The following BTAF1 variants were observed in gnomAD, a reference collection of about 807,000 sequenced individuals.
The protein encoded by BTAF1 is TATA-binding protein-associated factor 172.
BTAF1 carries 38 observed loss-of-function variants against 227.1 expected under a neutral mutation model. The ratio of observed to expected loss-of-function variants is 0.17; its 90% CI spans 0.13 to 0.22. The LOEUF (loss-of-function observed/expected upper bound fraction) is 0.22. Ranked by LOEUF, BTAF1 falls within the 10% of genes least tolerant of loss-of-function variation. The probability of loss-of-function intolerance (pLI) is 1.00; values close to 1 mark genes in which losing one functional copy is unlikely to be tolerated. For missense variants in BTAF1, 1,598 were observed against 2,204.0 expected, an observed-to-expected ratio of 0.73 and a Z score of 5.51; for synonymous variants, 742 against 751.9, an observed-to-expected ratio of 0.99 and a Z score of 0.21.
At chr10:92,010,709 C>T (rs1457179050) in intron 28 of BTAF1, among the ~76,000 whole-genome samples, 2 of 152,190 alleles carry the variant, frequency 1.3e-5, no homozygotes, top group African/African-American at 2.4e-5. Context: ...TTGTGAATAG[C>T]TTAACCTGGT....
chr10:92,002,200 G>A (rs1321143085), intron 25 of BTAF1, among the ~76,000 whole-genome samples: 1 of 152,114 alleles, frequency 6.6e-6, no homozygotes, highest in Non-Finnish European at 1.5e-5. Context: ...AAGATACATA[G>A]CAATAGAAAC....
At position 92,008,040 on chromosome 10, in the gene BTAF1, G is replaced by A. The variant is rs1711842; in HGVS notation, c.3661-83G>A. ...TACAATTTTCAGAATTCTTTTTTCTGTGTGTTTGTTTTGTGTTTATTTGAT... is the reference window on the plus strand; with the variant it reads ...TACAATTTTCAGAATTCTTTTTTCTATGTGTTTGTTTTGTGTTTATTTGAT... On this transcript the variant is annotated intron_variant, in intron 25 of 37. Transcript: ENST00000265990. The A allele has an allele frequency of 0.36, 449,119 of 1,235,822 alleles. 86,652 individuals are homozygous for A. The highest frequency in any genetic ancestry group is 0.5 in the South Asian group (35,105 of 70,346). The allele number at this position is 1,235,822 out of a possible 1,614,324, so 76.6% of individuals were successfully genotyped here. A position where few individuals can be genotyped will look rare whatever the true frequency, so the allele number is the denominator to read the frequency against.
intron 4 of BTAF1, among the ~76,000 whole-genome samples, chr10:91,950,005 G>C (rs1845637601): frequency 6.6e-6 from 1 of 152,020 alleles, no homozygotes; most frequent in Non-Finnish European, 1.5e-5. Flanking sequence ...AGCCAGGAAT[G>C]GTGACACATG....
rs1191580179 is a variant in BTAF1 at position 92,030,100 on chromosome 10, G to A, written c.*1167G>A. On this transcript the variant is annotated 3_prime_UTR_variant, in exon 38 of 38. Transcript: ENST00000265990. Reference sequence around the variant, plus strand: ...GTATGGGATATATTTGTATATATATGTACAGGTAATAAACATCCCCAAGGT... The same window carrying A: ...GTATGGGATATATTTGTATATATATATACAGGTAATAAACATCCCCAAGGT... 6.6e-6 allele frequency: 1 copy of A among 152,528 alleles called. No individual in the cohort carries two copies. The highest frequency in any genetic ancestry group is 2.4e-5 in the African/African-American group (1 of 41,448). The allele number at this position is 152,528 out of a possible 1,614,324, so 9.4% of individuals were successfully genotyped here.
intron 1 of BTAF1, 114 bp downstream of exon 1, chr10:91,924,204 C>T: frequency 4.3e-6 from 6 of 1,408,262 alleles, no homozygotes; most frequent in Non-Finnish European, 5.7e-6. Context: ...GGCTCTGGAG[C>T]TTTCTTCAGT....
intron 25 of BTAF1, among the ~76,000 whole-genome samples, chr10:92,002,834 C>G (rs10047331): frequency 6.6e-6 from 1 of 151,936 alleles, no homozygotes; most frequent in Non-Finnish European, 1.5e-5. Context: ...TTTTTGGTCT[C>G]ATTACTTTTT....
At chr10:91,933,283 G>A (rs1039811980) in intron 1 of BTAF1, among the ~76,000 whole-genome samples, 3 of 152,158 alleles carry the variant, frequency 2.0e-5, no homozygotes, top group African/African-American at 7.2e-5. Context: ...TGATTTATTC[G>A]GGGGCGTTTT....
intron 11 of BTAF1, among the ~76,000 whole-genome samples, chr10:91,961,462 TTC>T (rs1317903359): frequency 3.3e-4 from 49 of 149,608 alleles, no homozygotes; most frequent in African/African-American, 1.2e-3. Flanking sequence ...TTTTTTTTTT[TTC>T]CCTTCTTTAA....
At chr10:91,978,844 A>G (rs1001645102) in intron 14 of BTAF1, among the ~76,000 whole-genome samples, 37 of 46,402 alleles carry the variant, frequency 8.0e-4, no homozygotes, top group African/African-American at 3.0e-3. Flanking sequence ...TTTCACTTTC[A>G]TTTTAGGTTC....
chr10:92,014,492 G>A (rs185255625), intron 32 of BTAF1, among the ~76,000 whole-genome samples: 1 of 152,292 alleles, frequency 6.6e-6, no homozygotes, highest in East Asian at 1.9e-4. Flanking sequence ...CTTCCAAAGT[G>A]CTGGGATTAT....
intron 8 of BTAF1, 22 bp downstream of exon 8, chr10:91,957,315 T>A: frequency 6.3e-7 from 1 of 1,577,254 alleles, no homozygotes; most frequent in Non-Finnish European, 8.7e-7. Flanking sequence ...TCATTACAGT[T>A]TTTCTCAGCT....
At chr10:92,022,746 A>C (rs140506206) in intron 34 of BTAF1, among the ~76,000 whole-genome samples, 84 of 152,294 alleles carry the variant, frequency 5.5e-4, no homozygotes, top group African/African-American at 2.0e-3. Flanking sequence ...TGCGTACCAC[A>C]TAGTCACGTC....
intron 6 of BTAF1, among the ~76,000 whole-genome samples, chr10:91,955,502 A>G (rs893235156): frequency 6.6e-5 from 10 of 152,148 alleles, no homozygotes; most frequent in African/African-American, 1.9e-4. Context: ...AAGATAAAAC[A>G]GGGAAGGAAC....
intron 1 of BTAF1, among the ~76,000 whole-genome samples, chr10:91,933,981 C>T (rs1440432434): frequency 6.6e-6 from 1 of 152,168 alleles, no homozygotes; most frequent in Non-Finnish European, 1.5e-5. Flanking sequence ...CTTGGTCCTA[C>T]TATCTGTCTG....
At chr10:91,953,930 T>A in intron 6 of BTAF1, 57 bp downstream of exon 6, 1 of 1,581,692 alleles carries the variant, frequency 6.3e-7, no homozygotes, top group Non-Finnish European at 8.6e-7. Context: ...GGCTTTAATC[T>A]GTGTCTGCTT....
intron 28 of BTAF1, 132 bp downstream of exon 28, chr10:92,009,340 G>A (rs1340680729): frequency 2.1e-6 from 2 of 951,372 alleles, no homozygotes; most frequent in Admixed American, 2.8e-5. Flanking sequence ...CTTATGAAAA[G>A]TGAATGTACT....
chr10:91,994,299 C>CA (rs58656336), intron 22 of BTAF1, among the ~76,000 whole-genome samples: 3,583 of 135,702 alleles, frequency 0.026, 108 homozygotes, highest in African/African-American at 0.083. Context: ...GACTCTGTCT[C>CA]AAAAAAAAAA....
At chr10:91,992,648 C>T (rs1002615430) in intron 21 of BTAF1, among the ~76,000 whole-genome samples, 1 of 152,130 alleles carries the variant, frequency 6.6e-6, no homozygotes, top group South Asian at 2.1e-4. Flanking sequence ...TTGCAACCCA[C>T]CTGACTTTTT....
Position 91,960,092 on chromosome 10 carries a change from G to C in BTAF1, c.1201G>C (p.Glu401Gln). Residue 401 changes from glutamate to glutamine, a missense_variant, in exon 11 of 38, where the codon GAA becomes CAA. Glu to Gln is a conservative substitution (Grantham distance 29). Transcript: ENST00000265990. ...VDVLLKLLTQ[E>Q]QWEVRHGGLL... ...TGTGCTGCTAAAATTACTTACACAAGAACAATGGGAAGTTAGACATGGTGG... is the reference window on the plus strand; with the variant it reads ...TGTGCTGCTAAAATTACTTACACAACAACAATGGGAAGTTAGACATGGTGG... 1 of 1,613,830 alleles carries C rather than the reference G, an allele frequency of 6.2e-7. No individual in the cohort carries two copies. The highest frequency in any genetic ancestry group is 8.5e-7 in the Non-Finnish European group (1 of 1,179,850).
Sources: allele counts gnomAD v4.1 joint callset (sites outside exome capture counted in the v4.1 genomes callset), GRCh38; gene constraint gnomAD v4.1.1; transcripts MANE v1.5; gene names NCBI Gene and HGNC (gene_info 2026-07-23, HGNC 2026-07-21).